PFKFB1: variants seen among roughly 807,000 people sequenced by gnomAD.
PFKFB1 encodes the protein 6-phosphofructo-2-kinase/fructose-2,6-bisphosphatase 1.
In PFKFB1, 34 loss-of-function variants were observed where a neutral mutation model predicts 46.4. The ratio of observed to expected loss-of-function variants is 0.73; its 90% CI spans 0.56 to 0.98. The LOEUF (loss-of-function observed/expected upper bound fraction) is 0.98. Ranked by LOEUF, PFKFB1 falls within the 50% of genes least tolerant of loss-of-function variation. PFKFB1 has a pLI of 0.00. For synonymous variants in PFKFB1, 119 were observed against 133.8 expected (o/e 0.89, Z 0.76); for missense variants, 393 against 376.3 (o/e 1.04, Z -0.37).
intron 10 of PFKFB1, among the ~76,000 whole-genome samples, chrX:54,943,527 G>A (rs1203869893): frequency 1.8e-5 from 2 of 111,828 alleles, no homozygotes; most frequent in Non-Finnish European, 3.8e-5. Context: ...CGAGGTGGGT[G>A]GATCATGAGG....
At chrX:54,989,931 A>G (rs1343783046) in intron 1 of PFKFB1, among the ~76,000 whole-genome samples, 1 of 111,559 alleles carries the variant, frequency 9.0e-6, no homozygotes, top group East Asian at 2.8e-4. Flanking sequence ...TGGAGAGACT[A>G]AAAAAGCCTG....
intron 1 of PFKFB1, among the ~76,000 whole-genome samples, chrX:54,988,805 G>C (rs924705695): frequency 9.8e-5 from 11 of 111,912 alleles, no homozygotes; most frequent in Non-Finnish European, 1.9e-4. Flanking sequence ...AACGAAGCTG[G>C]ATTCCCATCT....
intron 11 of PFKFB1, among the ~76,000 whole-genome samples, chrX:54,935,519 C>T (rs1279771131): frequency 4.4e-5 from 5 of 112,476 alleles, no homozygotes; most frequent in Non-Finnish European, 9.4e-5. Context: ...CACTTGTTTC[C>T]AGTTATTGAC....
chrX:54,994,223 T>C, upstream of PFKFB1: 1 of 1,029,475 alleles, frequency 9.7e-7, no homozygotes, highest in South Asian at 2.7e-5. Flanking sequence ...TATGTACTAG[T>C]GGGGTATTGG....
intron 10 of PFKFB1, among the ~76,000 whole-genome samples, chrX:54,938,978 A>C (rs1933509918): frequency 9.0e-6 from 1 of 111,716 alleles, no homozygotes; most frequent in Non-Finnish European, 1.9e-5. Context: ...AAAATTGACC[A>C]CCTGGTTGGA....
At chrX:54,951,082 G>A (rs952198190) in intron 8 of PFKFB1, among the ~76,000 whole-genome samples, 4 of 113,152 alleles carry the variant, frequency 3.5e-5, no homozygotes, top group Non-Finnish European at 7.5e-5. Flanking sequence ...GACAACAACT[G>A]TCCTTCCTGC....
chrX:54,965,010 A>G (rs1049625876), intron 1 of PFKFB1, among the ~76,000 whole-genome samples: 1 of 111,633 alleles, frequency 9.0e-6, no homozygotes, highest in African/African-American at 3.3e-5. Flanking sequence ...AAAAAAGAGC[A>G]AAAAAAGAAA....
rs201347667 is a variant in PFKFB1 at position 54,991,541 on chromosome X, G to C, written c.97+2370C>G. Among the ~76,000 whole-genome samples, 436 of 58,499 alleles carry C rather than the reference G, an allele frequency of 7.5e-3. 2 individuals are homozygous for C. The East Asian group carries it at 0.1, about 14-fold the overall frequency. The allele number at this position is 58,499 out of a possible 115,157, so 50.8% of individuals were successfully genotyped here. On this transcript the variant is annotated intron_variant, in intron 1 of 13. Coordinates refer to ENST00000375006, the MANE Select transcript of PFKFB1 (RefSeq NM_002625.4). ...TCTCTCTCTCCCTCTCTCTCTCTCT[G>C]TGTGTGTGTGTGTGTGTGTGTGTGT...
At chrX:54,990,658 G>A (rs992626963) in intron 1 of PFKFB1, among the ~76,000 whole-genome samples, 4 of 111,587 alleles carry the variant, frequency 3.6e-5, no homozygotes, top group Admixed American at 2.8e-4. Context: ...TGAGGTTAGT[G>A]TAATCTTGAC....
intron 2 of PFKFB1, among the ~76,000 whole-genome samples, chrX:54,961,735 C>T: frequency 9.0e-6 from 1 of 111,610 alleles, no homozygotes; most frequent in Non-Finnish European, 1.9e-5. Context: ...AATATTAAGC[C>T]ACGGAAGACA....
chrX:54,973,765 T>C (rs376441592), intron 1 of PFKFB1, among the ~76,000 whole-genome samples: 1 of 111,250 alleles, frequency 9.0e-6, no homozygotes, highest in Non-Finnish European at 1.9e-5. Context: ...TCCAACTATG[T>C]GGTCAATTTT....
chrX:54,994,838 G>C, upstream of PFKFB1: 1 of 753,965 alleles, frequency 1.3e-6, no homozygotes, highest in Non-Finnish European at 1.6e-6. Context: ...ATAAATAGGA[G>C]TAAACTGACA....
chrX:54,949,774 T>G (rs1768279935), intron 8 of PFKFB1, among the ~76,000 whole-genome samples: 1 of 112,611 alleles, frequency 8.9e-6, no homozygotes, highest in African/African-American at 3.2e-5. Context: ...GATAGGCCCA[T>G]GTAGGCACTG....
chrX:54,948,052 A>G (rs1404049277), intron 9 of PFKFB1, among the ~76,000 whole-genome samples: 3 of 109,899 alleles, frequency 2.7e-5, no homozygotes, highest in African/African-American at 1.0e-4. Context: ...CCTCCAGAGT[A>G]GCTGGGGTCA....
chrX:54,995,185 G>C (rs1274634739), upstream of PFKFB1, among the ~76,000 whole-genome samples: 1 of 111,363 alleles, frequency 9.0e-6, no homozygotes, highest in African/African-American at 3.3e-5. Flanking sequence ...GAACTGCACA[G>C]CTTGCCTCGA....
At chrX:54,969,182 G>C (rs1459142376) in intron 1 of PFKFB1, among the ~76,000 whole-genome samples, 1 of 111,161 alleles carries the variant, frequency 9.0e-6, no homozygotes, top group Non-Finnish European at 1.9e-5. Context: ...AGTATTGAGA[G>C]GTGGGACCTT....
intron 8 of PFKFB1, 33 bp downstream of exon 8, chrX:54,951,872 C>G: frequency 8.7e-7 from 1 of 1,147,608 alleles, no homozygotes; most frequent in Non-Finnish European, 1.2e-6. Context: ...GACAGCCCAG[C>G]CAACCCATCT....
At chrX:54,937,186 T>C (rs955758477) in intron 11 of PFKFB1, among the ~76,000 whole-genome samples, 9 of 112,042 alleles carry the variant, frequency 8.0e-5, no homozygotes, top group African/African-American at 2.6e-4. Flanking sequence ...AAGGCCCTAC[T>C]ATCACCTGAT....
intron 1 of PFKFB1, among the ~76,000 whole-genome samples, chrX:54,980,552 G>C (rs185683768): frequency 1.8e-5 from 2 of 110,612 alleles, no homozygotes; most frequent in South Asian, 3.8e-4. Context: ...GTAATCAGCG[G>C]GTGAAGAAGA....
Sources: allele counts gnomAD v4.1 joint callset (sites outside exome capture counted in the v4.1 genomes callset), GRCh38; gene constraint gnomAD v4.1.1; transcripts MANE v1.5; gene names NCBI Gene and HGNC (gene_info 2026-07-23, HGNC 2026-07-21).